The following ZNF195 variants were observed in gnomAD, a reference collection of about 807,000 sequenced individuals.
The protein encoded by ZNF195 is zinc finger protein 195, also known as hypoxia-regulated factor-1.
A neutral mutation model predicts 19.5 loss-of-function variants in ZNF195; 11 were observed. The observed-to-expected ratio is 0.57, with a 90% CI of 0.36 to 0.94. ZNF195 has a LOEUF of 0.94. ZNF195 is among the 40% of genes least tolerant of loss of function. The probability of loss-of-function intolerance (pLI) is 0.01; values close to 1 mark genes in which losing one functional copy is unlikely to be tolerated. For synonymous variants in ZNF195, 214 were observed against 248.1 expected (o/e 0.86, Z 1.29); for missense variants, 582 against 709.0 (o/e 0.82, Z 2.03).
chr11:3,367,784 A>T (rs1359858761), intron 3 of ZNF195, among the ~76,000 whole-genome samples: 1 of 152,078 alleles, frequency 6.6e-6, no homozygotes, highest in Non-Finnish European at 1.5e-5. Context: ...ATCAATGTGG[A>T]GTGCTTGCCG....
chr11:3,376,384 C>G (rs540409984), intron 1 of ZNF195, among the ~76,000 whole-genome samples: 4 of 151,958 alleles, frequency 2.6e-5, no homozygotes, highest in Admixed American at 2.0e-4. Context: ...ATAAAGTTTA[C>G]GAATTTGTGT....
chr11:3,377,678 G>T, intron 1 of ZNF195: 1 of 1,225,910 alleles, frequency 8.2e-7, no homozygotes, highest in South Asian at 1.5e-5. Context: ...GCTGCTCCCT[G>T]GAGAGGCCAC....
At chr11:3,375,578 G>C (rs908481464) in intron 1 of ZNF195, 2 of 152,134 alleles carry the variant, frequency 1.3e-5, no homozygotes, top group Non-Finnish European at 2.9e-5. Flanking sequence ...CCAAGACGCT[G>C]AATTCAATGA....
intron 1 of ZNF195, among the ~76,000 whole-genome samples, chr11:3,376,089 T>C (rs966701842): frequency 6.6e-6 from 1 of 152,206 alleles, no homozygotes; most frequent in Admixed American, 6.5e-5. Context: ...AACGATTCCA[T>C]ACCCAGGAAG....
chr11:3,371,721 AC>A lies in ZNF195; in HGVS notation c.4-19del. 1.3e-6 allele frequency: 2 copies of A among 1,581,952 alleles called. No homozygotes were observed. The highest frequency in any genetic ancestry group is 1.7e-6 in the Non-Finnish European group (2 of 1,163,510). On this transcript the variant is annotated intron_variant, in intron 1 of 5. Transcript: ENST00000399602. ...AACAGAGTCTGAAGAAGAAACAACA[AC>A]AATAACAAATACTTGATTCGAGGTG...
At position 3,360,320 on chromosome 11, in the gene ZNF195, T is replaced by G; in HGVS notation, c.688A>C (p.Asn230His). 1 of 1,603,552 alleles carries G rather than the reference T, an allele frequency of 6.2e-7. No homozygotes were observed. Among genetic ancestry groups the G allele is most frequent in the Non-Finnish European group, 8.5e-7 (1 of 1,173,892 alleles). Residue 230 changes from asparagine (N) to histidine (H), a missense_variant, in exon 6 of 6, where the codon AAT becomes CAT. Transcript: ENST00000399602. ...TTACTTATATTACGTCTATGTAAAT[T>G]TGAAAAGTTATCAAAGATTTTAACA... ...KYVKIFDNFS[N>H]LHRRNISNTG...
At position 3,366,718 on chromosome 11, in the gene ZNF195, C is replaced by A. The variant is rs556593744; in HGVS notation, c.226+4257G>T. ...GTCAAGGATGTGAAGACATTGAAAA[C>A]CACGTAACCTGCTGGTAGGAAAGAA... On this transcript the variant is annotated intron_variant, in intron 3 of 5. Transcript: ENST00000399602. The A allele has an allele frequency of 2.3e-5, 5 of 216,748 alleles. No homozygotes were observed. In the Middle Eastern group the frequency reaches 7.6e-3, roughly 331 times the overall value. The allele number at this position is 216,748 out of a possible 1,614,324, so 13.4% of individuals were successfully genotyped here.
Position 3,358,996 on chromosome 11 carries a change from T to C in ZNF195, c.*122A>G. ...GTGTGCTCTGGAGACTTATATTTCA[T>C]GAAAGGTCTTTCAATAGTAATTACA... On this transcript the variant is annotated 3_prime_UTR_variant, in exon 6 of 6. Transcript: ENST00000399602. 1.6e-6 allele frequency: 2 copies of C among 1,246,202 alleles called. No homozygotes were observed. Among genetic ancestry groups the C allele is most frequent in the South Asian group, 2.6e-5 (1 of 39,138 alleles). 77.2% of individuals were successfully genotyped at this position (1,246,202 alleles called of 1,614,324 possible). A position where few individuals can be genotyped will look rare whatever the true frequency, so the allele number is the denominator to read the frequency against.
chr11:3,372,661 G>GACAAATAAATATCTCCCAGGTTCTA (rs1849271131), intron 1 of ZNF195, among the ~76,000 whole-genome samples: 1 of 152,112 alleles, frequency 6.6e-6, no homozygotes, highest in Non-Finnish European at 1.5e-5. Context: ...CCCAGGTTCT[G>GACAAATAAATATCTCCCAGGTTCTA]ACAAATAAAT....
chr11:3,359,524 G>A lies in ZNF195; in HGVS notation c.1484C>T (p.Thr495Met), dbSNP rs559329436. The change falls in exon 6 of 6, where the codon ACG becomes ATG. Residue 495 changes from threonine to methionine, a missense_variant. By Grantham distance (81) the Thr-to-Met change is moderately conservative. Coordinates refer to ENST00000399602, the MANE Select transcript of ZNF195 (RefSeq NM_001130520.3). This position sits in a 1 kb window ranked among gnomAD's most constrained non-coding sequence, Gnocchi z 5.5. Reference protein sequence around the residue: ...KRTHSEEKPYTCEECGNIFKQ... With the variant: ...KRTHSEEKPYMCEECGNIFKQ... ...AAAGATGTTGCCACATTCTTCACAC[G>A]TGTAGGGTTTTTCTTCAGAATGAGT... 16 of 1,613,966 alleles carry A rather than the reference G, an allele frequency of 9.9e-6. No individual in the cohort carries two copies. The highest frequency in any genetic ancestry group is 6.7e-5 in the Admixed American group (4 of 60,014).
rs769533396 is a variant in ZNF195, at chr11:3,360,375, G to C, written c.633C>G (p.Thr211=). 1.8e-5 allele frequency: 29 copies of C among 1,607,328 alleles called. 1 individual carries two copies. The Middle Eastern group carries it at 6.6e-4, about 37-fold the overall frequency. ...YNGLNQCSST[T]HSKIFQYNKY... is the part of the protein sequence containing the mutation. ...TATTATATTGAAAGATTTTGCTATG[G>C]GTAGTTGATGAACATTGGTTAAGTC... The change falls in exon 6 of 6, where the codon ACC becomes ACG. Residue 211 remains threonine, a synonymous_variant. Coordinates refer to ENST00000399602, the MANE Select transcript of ZNF195 (RefSeq NM_001130520.3).
At chr11:3,368,458 T>C (rs191662770) in intron 3 of ZNF195, among the ~76,000 whole-genome samples, 18 of 152,320 alleles carry the variant, frequency 1.2e-4, no homozygotes, top group Admixed American at 2.0e-4. Flanking sequence ...ATGCCTTTAA[T>C]AGAGCTTAGT....
chr11:3,360,372 A>G lies in ZNF195; in HGVS notation c.636T>C (p.His212=), dbSNP rs1268091273. The part of the protein sequence containing the change: ...NGLNQCSSTT[H]SKIFQYNKYV... ...ATTTATTATATTGAAAGATTTTGCT[A>G]TGGGTAGTTGATGAACATTGGTTAA... The change falls in exon 6 of 6, where the codon CAT becomes CAC. Residue 212 remains histidine, a synonymous_variant. Transcript: ENST00000399602. 3.1e-6 allele frequency: 5 copies of G among 1,607,100 alleles called. No homozygotes were observed. Among genetic ancestry groups the G allele is most frequent in the Admixed American group, 1.7e-5 (1 of 59,126 alleles).
chr11:3,372,954 G>T (rs1461672310), intron 1 of ZNF195, among the ~76,000 whole-genome samples: 5 of 152,144 alleles, frequency 3.3e-5, no homozygotes, highest in Non-Finnish European at 5.9e-5. Flanking sequence ...GGCTGGTCTC[G>T]AACTCCTGGC....
chr11:3,369,589 C>T (rs1849080787), intron 3 of ZNF195: 1 of 416,180 alleles, frequency 2.4e-6, no homozygotes. Context: ...CATTCAACCA[C>T]GTGGATGACC....
chr11:3,376,287 C>G (rs1386074992), intron 1 of ZNF195, among the ~76,000 whole-genome samples: 1 of 151,958 alleles, frequency 6.6e-6, no homozygotes, highest in Non-Finnish European at 1.5e-5. Context: ...CTTGGCTTCC[C>G]TGGGCCACAC....
At chr11:3,379,012 T>C (rs1447570528) in intron 1 of ZNF195, 26 bp downstream of exon 1, 1 of 1,417,136 alleles carries the variant, frequency 7.1e-7, no homozygotes, top group Non-Finnish European at 9.4e-7. Context: ...TCCCTGTCTC[T>C]CAGGAGGCCT....
rs1170257010 is a variant in ZNF195 at position 3,358,425 on chromosome 11, A to G, written c.*693T>C. ...ATTTTACTCACGCATCTTACATTTC[A>G]GTGTCTTTCACCTTTCACGGACAAG... On this transcript the variant is annotated 3_prime_UTR_variant, in exon 6 of 6. Coordinates refer to ENST00000399602, the MANE Select transcript of ZNF195 (RefSeq NM_001130520.3). 1 of 152,228 alleles carries G rather than the reference A, an allele frequency of 6.6e-6. No homozygotes were observed. The highest frequency in any genetic ancestry group is 1.5e-5 in the Non-Finnish European group (1 of 68,048). 9.4% of individuals were successfully genotyped at this position (152,228 alleles called of 1,614,324 possible).
In ZNF195 at chr11:3,360,832, A is replaced by G. The variant is rs139352237; in HGVS notation, c.374-44T>C. The G allele has an allele frequency of 3.0e-4, 462 of 1,528,480 alleles. 1 individual carries two copies. In the African/African-American group the frequency reaches 5.6e-3, roughly 18 times the overall value. 94.7% of individuals were successfully genotyped at this position (1,528,480 alleles called of 1,614,324 possible). ...GAAAAACAGTCTGTTACGTTTACCCACTGCAGCCCCCGCTCCTCCGCAGTA... is the reference window on the plus strand; with the variant it reads ...GAAAAACAGTCTGTTACGTTTACCCGCTGCAGCCCCCGCTCCTCCGCAGTA... On this transcript the variant is annotated intron_variant, in intron 4 of 5. Transcript: ENST00000399602.
Sources: allele counts gnomAD v4.1 joint callset (sites outside exome capture counted in the v4.1 genomes callset), GRCh38; gene constraint gnomAD v4.1.1; non-coding constraint Gnocchi (gnomAD v3.1); transcripts MANE v1.5; gene names NCBI Gene and HGNC (gene_info 2026-07-23, HGNC 2026-07-21).